ZBTB46: variants seen among roughly 807,000 people sequenced by gnomAD.
ZBTB46 encodes the protein zinc finger and BTB domain containing 46.
Under a neutral mutation model 44.1 loss-of-function variants are expected in ZBTB46, and 8 were observed. That is an observed-to-expected ratio of 0.18 (90% CI 0.11 to 0.33). ZBTB46 has a LOEUF of 0.33. Among genes scored for constraint, ZBTB46 ranks in the 10% least tolerant of loss-of-function variants. The pLI, the probability that ZBTB46 is intolerant of heterozygous loss-of-function variation, is 1.00. For missense variants in ZBTB46, 651 were observed against 847.7 expected (o/e 0.77, Z 2.88); for synonymous variants, 409 against 382.3 (o/e 1.07, Z -0.81).
intron 4 of ZBTB46, among the ~76,000 whole-genome samples, chr20:63,751,118 A>C (rs2092156764): frequency 6.6e-6 from 1 of 150,788 alleles, no homozygotes. Flanking sequence ...GGCCTGGTGC[A>C]GCTACCCCTC....
In ZBTB46 at chr20:63,787,302, G is replaced by A. The variant is rs1202701624; in HGVS notation, c.937+2519C>T. Among the ~76,000 whole-genome samples, 4 of 152,026 alleles carry A rather than the reference G, an allele frequency of 2.6e-5. No individual in the cohort carries two copies. Among genetic ancestry groups the A allele is most frequent in the East Asian group, 3.9e-4 (2 of 5,192 alleles). On this transcript the variant is annotated intron_variant, in intron 2 of 4. Transcript: ENST00000245663. The surrounding 1 kb of genome is among the most constrained non-coding windows in gnomAD (Gnocchi z 4.6). ...CCTAGCCATCGCCATCCTAGCCATC[G>A]CCACATCCTAGCACAACTTTAAAAA... is the stretch of plus-strand genomic sequence containing the variant.
intron 1 of ZBTB46, among the ~76,000 whole-genome samples, chr20:63,821,538 C>G (rs1006940142): frequency 6.6e-6 from 1 of 151,638 alleles, no homozygotes; most frequent in Admixed American, 6.6e-5. Flanking sequence ...CTCCCAGGTT[C>G]AAGTGATTCT....
intron 2 of ZBTB46, among the ~76,000 whole-genome samples, chr20:63,776,570 G>A (rs528282098): frequency 3.9e-5 from 6 of 152,278 alleles, no homozygotes; most frequent in Admixed American, 6.5e-5. Context: ...CTGGGAGGCC[G>A]AGGCGGGCGG....
At chr20:63,823,037 C>T (rs1180428734) in intron 1 of ZBTB46, among the ~76,000 whole-genome samples, 4 of 110,722 alleles carry the variant, frequency 3.6e-5, no homozygotes, top group Admixed American at 1.8e-4. Flanking sequence ...TGGTGGCGCG[C>T]ACCTGTGATC....
intron 2 of ZBTB46, among the ~76,000 whole-genome samples, chr20:63,789,455 A>G (rs2092541697): frequency 6.6e-6 from 1 of 152,164 alleles, no homozygotes; most frequent in Non-Finnish European, 1.5e-5. Context: ...AGGCCAGGGG[A>G]AGCCGACCCT....
intron 2 of ZBTB46, among the ~76,000 whole-genome samples, chr20:63,776,508 T>G (rs1363855399): frequency 6.6e-6 from 1 of 152,134 alleles, no homozygotes; most frequent in Non-Finnish European, 1.5e-5. Context: ...CAAAGGATAC[T>G]ACCAAGAAAG....
At chr20:63,810,964 C>T (rs1254440555) in intron 1 of ZBTB46, among the ~76,000 whole-genome samples, 2 of 152,218 alleles carry the variant, frequency 1.3e-5, no homozygotes, top group Non-Finnish European at 2.9e-5. Flanking sequence ...TCTCTTTCCT[C>T]ACTCCTACGA....
At chr20:63,806,926 G>A (rs142157082) in intron 1 of ZBTB46, among the ~76,000 whole-genome samples, 2 of 152,252 alleles carry the variant, frequency 1.3e-5, no homozygotes, top group East Asian at 3.9e-4. Context: ...GGGACTACCA[G>A]CGCCCGCCAC....
chr20:63,796,768 T>A (rs927275251), intron 1 of ZBTB46, among the ~76,000 whole-genome samples: 1 of 152,044 alleles, frequency 6.6e-6, no homozygotes, highest in African/African-American at 2.4e-5. Context: ...GAGGTTGCAG[T>A]GAGCCGAGAT....
intron 1 of ZBTB46, among the ~76,000 whole-genome samples, chr20:63,828,847 G>A (rs2092833402): frequency 6.6e-6 from 1 of 152,234 alleles, no homozygotes; most frequent in Non-Finnish European, 1.5e-5. Context: ...TGCACGAAGT[G>A]GGTCTCCAGG....
chr20:63,768,021 G>A, intron 3 of ZBTB46: 12 of 985,448 alleles, frequency 1.2e-5, no homozygotes, highest in Non-Finnish European at 1.4e-5. Context: ...CCGTCAGGAT[G>A]GGATAAAAGC....
chr20:63,746,672 G>A lies in ZBTB46; in HGVS notation c.*258C>T, dbSNP rs1050916592. The A allele has an allele frequency of 8.8e-5, 43 of 490,496 alleles. No individual in the cohort carries two copies. The highest frequency in any genetic ancestry group is 1.2e-4 in the Non-Finnish European group (34 of 289,134). The allele number at this position is 490,496 out of a possible 1,614,324, so 30.4% of individuals were successfully genotyped here. On this transcript the variant is annotated 3_prime_UTR_variant, in exon 5 of 5. Coordinates refer to ENST00000245663, the MANE Select transcript of ZBTB46 (RefSeq NM_001369741.1). ...CCCGCACCACCTGCTGGGGACTTAGGACCGTGCTCTCCCTTCACTCAAACC... is the reference window on the plus strand; with the variant it reads ...CCCGCACCACCTGCTGGGGACTTAGAACCGTGCTCTCCCTTCACTCAAACC...
chr20:63,789,086 G>A (rs1207467933), intron 2 of ZBTB46, among the ~76,000 whole-genome samples: 1 of 151,106 alleles, frequency 6.6e-6, no homozygotes, highest in East Asian at 2.0e-4. Flanking sequence ...CAAAGTGCTG[G>A]GATTACAGGC....
intron 4 of ZBTB46, among the ~76,000 whole-genome samples, chr20:63,748,501 G>A (rs969660698): frequency 2.0e-5 from 3 of 152,232 alleles, no homozygotes; most frequent in Non-Finnish European, 4.4e-5. Context: ...CCTCGGCCAC[G>A]CCAGCTAGAG....
At chr20:63,796,031 G>A (rs1454900054) in intron 1 of ZBTB46, among the ~76,000 whole-genome samples, 1 of 152,204 alleles carries the variant, frequency 6.6e-6, no homozygotes, top group African/African-American at 2.4e-5. Context: ...ATGTGCCCTG[G>A]CCACAGCCTG....
chr20:63,825,784 G>A (rs2092816393), intron 1 of ZBTB46, among the ~76,000 whole-genome samples: 1 of 152,226 alleles, frequency 6.6e-6, no homozygotes, highest in African/African-American at 2.4e-5. Flanking sequence ...AGTTGGGAAA[G>A]CGGCGAATCA....
At position 63,764,085 on chromosome 20, in the gene ZBTB46, C is replaced by T. The variant is rs530032414; in HGVS notation, c.1223-11224G>A. Reference sequence around the variant, plus strand: ...CTGGGCTCAAGCGATCCTCCCACCTCAGCCTCCCAAGTGGCTGGAACTACA... The same window carrying T: ...CTGGGCTCAAGCGATCCTCCCACCTTAGCCTCCCAAGTGGCTGGAACTACA... On this transcript the variant is annotated intron_variant, in intron 3 of 4. Transcript: ENST00000245663. 1.2e-4 allele frequency among the ~76,000 whole-genome samples: 18 copies of T among 152,160 alleles called. No homozygotes were observed. In the East Asian group the frequency reaches 1.9e-3, roughly 16 times the overall value.
At chr20:63,782,446 C>T (rs1458765964) in intron 2 of ZBTB46, among the ~76,000 whole-genome samples, 10 of 152,196 alleles carry the variant, frequency 6.6e-5, no homozygotes, top group African/African-American at 2.4e-5. Context: ...TCCCCTGGAG[C>T]TCCAGGGGAT....
At chr20:63,759,694 T>C (rs1246565591) in intron 3 of ZBTB46, among the ~76,000 whole-genome samples, 3 of 152,138 alleles carry the variant, frequency 2.0e-5, no homozygotes, top group Non-Finnish European at 4.4e-5. Context: ...TGAATATAAG[T>C]GGTGACGATG....
Sources: allele counts gnomAD v4.1 joint callset (sites outside exome capture counted in the v4.1 genomes callset), GRCh38; gene constraint gnomAD v4.1.1; non-coding constraint Gnocchi (gnomAD v3.1); transcripts MANE v1.5; gene names NCBI Gene and HGNC (gene_info 2026-07-23, HGNC 2026-07-21).